EPHA6: variants seen among roughly 807,000 people sequenced by gnomAD.
The protein encoded by EPHA6 is EPH receptor A6.
In EPHA6, 50 loss-of-function variants were observed where a neutral mutation model predicts 112.0. The observed-to-expected ratio is 0.45, with a 90% CI of 0.36 to 0.56. The LOEUF (loss-of-function observed/expected upper bound fraction) is 0.56. Ranked by LOEUF, EPHA6 falls within the 20% of genes least tolerant of loss-of-function variation. The pLI is 0.00. For missense variants in EPHA6, 1,280 were observed against 1,417.4 expected (o/e 0.90, Z 1.56); for synonymous variants, 529 against 490.7 (o/e 1.08, Z -1.03).
chr3:97,174,578 A>C (rs1298338223), intron 3 of EPHA6, among the ~76,000 whole-genome samples: 1 of 151,766 alleles, frequency 6.6e-6, no homozygotes, highest in Non-Finnish European at 1.5e-5. Context: ...TGTCTTTTAG[A>C]TATAAGCCAT....
At chr3:97,033,287 G>A (rs914244038) in intron 3 of EPHA6, among the ~76,000 whole-genome samples, 20 of 152,038 alleles carry the variant, frequency 1.3e-4, no homozygotes, top group African/African-American at 3.6e-4. Context: ...TGTACTGATA[G>A]TAATCAAATT....
At chr3:96,979,230 C>T (rs113499938) in intron 2 of EPHA6, among the ~76,000 whole-genome samples, 1 of 139,828 alleles carries the variant, frequency 7.2e-6, no homozygotes, top group Admixed American at 7.3e-5. Flanking sequence ...CACCACAGGC[C>T]CCGGTGTGTG....
intron 2 of EPHA6, among the ~76,000 whole-genome samples, chr3:96,961,450 C>T (rs1370976994): frequency 1.3e-5 from 2 of 152,146 alleles, no homozygotes; most frequent in Non-Finnish European, 2.9e-5. Context: ...TTTATAGATG[C>T]TATTATGAAA....
chr3:97,519,096 CTA>C (rs973114459), intron 10 of EPHA6, among the ~76,000 whole-genome samples: 2 of 152,046 alleles, frequency 1.3e-5, no homozygotes, highest in Admixed American at 6.6e-5. Flanking sequence ...AGTGTGTTCC[CTA>C]TGTTTTCTTC....
intron 7 of EPHA6, among the ~76,000 whole-genome samples, chr3:97,469,848 A>G (rs1346393428): frequency 4.6e-5 from 7 of 151,708 alleles, no homozygotes; most frequent in Non-Finnish European, 1.0e-4. Context: ...AAGGCAACCT[A>G]ATAGCAAATG....
At position 97,592,736 on chromosome 3, in the gene EPHA6, T is replaced by C; in HGVS notation, c.2511T>C (p.Ala837=). The C allele has an allele frequency of 6.3e-7, 1 of 1,586,046 alleles. No individual in the cohort carries two copies. The highest frequency in any genetic ancestry group is 8.5e-7 in the Non-Finnish European group (1 of 1,170,252). Reference sequence around the variant, plus strand: ...GATCTTTGCCCCCCAGGATTCCTGCTGGTAGGTATTTCAGGTGAAGTTTTC... The same window carrying C: ...GATCTTTGCCCCCCAGGATTCCTGCCGGTAGGTATTTCAGGTGAAGTTTTC... ...GGGSLPPRIP[A]GRPVMIVVEY... is the part of the protein sequence containing the mutation. Residue 837 remains alanine, a splice_region_variant and synonymous_variant, in exon 12 of 18, where the codon GCT becomes GCC. Transcript: ENST00000389672.
rs1207060710 is a variant in EPHA6, at chr3:96,882,730, C to CTGTGTGTGTGTGTG, written c.450+15867_450+15880dup. 1.4e-3 allele frequency among the ~76,000 whole-genome samples: 175 copies of CTGTGTGTGTGTGTG among 129,308 alleles called. 2 individuals carry two copies. The highest frequency in any genetic ancestry group is 1.6e-3 in the Non-Finnish European group (95 of 61,154). 84.8% of individuals were successfully genotyped at this position (129,308 alleles called of 152,430 possible). ...GGATTCGTAGTATTCCATTGTGTGT[C>CTGTGTGTGTGTGTG]TGTGTGTGTGTGTGTGTGTGTGTGT... On this transcript the variant is annotated intron_variant, in intron 2 of 17. Coordinates refer to ENST00000389672, the MANE Select transcript of EPHA6 (RefSeq NM_001080448.3).
intron 5 of EPHA6, among the ~76,000 whole-genome samples, chr3:97,296,928 A>G (rs1289307451): frequency 1.3e-5 from 2 of 152,184 alleles, no homozygotes; most frequent in Non-Finnish European, 2.9e-5. Flanking sequence ...CTGGGGCTCC[A>G]GGAATATGGA....
chr3:97,507,440 G>A (rs1456602785), intron 10 of EPHA6, among the ~76,000 whole-genome samples: 2 of 152,076 alleles, frequency 1.3e-5, no homozygotes, highest in Admixed American at 6.6e-5. Flanking sequence ...TTTTGTCATT[G>A]GTTTTGTTTA....
intron 3 of EPHA6, among the ~76,000 whole-genome samples, chr3:97,074,232 T>A (rs1045212059): frequency 6.6e-6 from 1 of 152,012 alleles, no homozygotes; most frequent in Non-Finnish European, 1.5e-5. Flanking sequence ...ATACTTGCAT[T>A]GACACTGACA....
intron 2 of EPHA6, among the ~76,000 whole-genome samples, chr3:96,944,218 C>T (rs549102037): frequency 1.4e-4 from 22 of 152,278 alleles, no homozygotes; most frequent in African/African-American, 5.3e-4. Flanking sequence ...ACATTGTCTA[C>T]TTTAAAACTT....
At chr3:97,458,972 A>G (rs1017364924) in intron 7 of EPHA6, among the ~76,000 whole-genome samples, 1 of 152,190 alleles carries the variant, frequency 6.6e-6, no homozygotes, top group African/African-American at 2.4e-5. Flanking sequence ...GTAGAAGGCA[A>G]TATGTATTGT....
Position 97,757,381 on chromosome 3 carries a change from AT to A in EPHA6, c.*8684del, listed in dbSNP as rs762331915. The stretch of plus-strand genomic sequence containing the variant: ...AAATATCAAAAATAGGAAAAAGTTC[AT>A]TTTAAAAATGTTTTGTAATGGAACA... On this transcript the variant is annotated 3_prime_UTR_variant, in exon 18 of 18. Coordinates refer to ENST00000389672, the MANE Select transcript of EPHA6 (RefSeq NM_001080448.3). 6.6e-6 allele frequency among the ~76,000 whole-genome samples: 1 copy of A among 151,766 alleles called. No individual in the cohort carries two copies. The highest frequency in any genetic ancestry group is 1.5e-5 in the Non-Finnish European group (1 of 67,704).
chr3:97,065,594 C>T lies in EPHA6; in HGVS notation c.1114+77601C>T, dbSNP rs556552545. Among the ~76,000 whole-genome samples the T allele has an allele frequency of 5.9e-5, 9 of 152,060 alleles. No homozygotes were observed. The South Asian group carries it at 1.9e-3, about 32-fold the overall frequency. ...ACTTGTAAGACTCGATTTCTGATATCAAGATACTTAGACTCTGATAGTATT... is the reference window on the plus strand; with the variant it reads ...ACTTGTAAGACTCGATTTCTGATATTAAGATACTTAGACTCTGATAGTATT... On this transcript the variant is annotated intron_variant, in intron 3 of 17. Coordinates refer to ENST00000389672, the MANE Select transcript of EPHA6 (RefSeq NM_001080448.3).
chr3:96,930,968 G>C (rs371429666), intron 2 of EPHA6, among the ~76,000 whole-genome samples: 4 of 115,896 alleles, frequency 3.5e-5, no homozygotes, highest in African/African-American at 6.6e-5. Context: ...CTACAGCCTG[G>C]GTGACAGAGT....
chr3:97,431,916 T>A (rs2107236262), intron 6 of EPHA6, among the ~76,000 whole-genome samples: 1 of 152,254 alleles, frequency 6.6e-6, no homozygotes, highest in Non-Finnish European at 1.5e-5. Context: ...AAACATGCAA[T>A]AATCAATGAT....
chr3:97,090,255 T>G (rs2108227047), intron 3 of EPHA6, among the ~76,000 whole-genome samples: 1 of 152,216 alleles, frequency 6.6e-6, no homozygotes, highest in East Asian at 1.9e-4. Context: ...TATTAGGTTA[T>G]TTTGACAAGG....
chr3:97,581,491 G>A (rs1221139049), intron 11 of EPHA6, among the ~76,000 whole-genome samples: 3 of 152,174 alleles, frequency 2.0e-5, no homozygotes, highest in Non-Finnish European at 4.4e-5. Context: ...ATAATTTATT[G>A]TAAGATACAT....
rs1452382016 is a variant in EPHA6 at position 97,271,673 on chromosome 3, G to T, written c.1606+27386G>T. On this transcript the variant is annotated intron_variant, in intron 5 of 17. Coordinates refer to ENST00000389672, the MANE Select transcript of EPHA6 (RefSeq NM_001080448.3). ...GCACCCATCCTTAAAAATATTTAAAGATAAAAATATACGTTGGAGTTTGTC... is the reference window on the plus strand; with the variant it reads ...GCACCCATCCTTAAAAATATTTAAATATAAAAATATACGTTGGAGTTTGTC... 3.3e-5 allele frequency among the ~76,000 whole-genome samples: 5 copies of T among 152,100 alleles called. No individual in the cohort carries two copies. The South Asian group carries it at 8.3e-4, about 25-fold the overall frequency.
Sources: gnomAD v4.1 joint callset for allele counts (sites outside exome capture counted in the v4.1 genomes callset) on GRCh38, gnomAD v4.1.1 for gene constraint, MANE v1.5 for transcripts, NCBI Gene and HGNC (gene_info 2026-07-23, HGNC 2026-07-21) for gene names.